The following ABCC4 variants were observed in gnomAD, a reference collection of about 807,000 sequenced individuals.
ABCC4 encodes ATP binding cassette subfamily C member 4 (PEL blood group).
In ABCC4, 102 loss-of-function variants were observed where a neutral mutation model predicts 168.5. The ratio of observed to expected loss-of-function variants is 0.61; its 90% CI spans 0.52 to 0.71. The LOEUF (loss-of-function observed/expected upper bound fraction) is 0.71, where lower values mean the gene tolerates loss of function less well. ABCC4 is among the 30% of genes least tolerant of loss of function. The probability of loss-of-function intolerance (pLI) is 0.00; values close to 1 mark genes in which losing one functional copy is unlikely to be tolerated. For synonymous variants in ABCC4, 617 were observed against 590.7 expected, an observed-to-expected ratio of 1.04 and a Z score of -0.65; for missense variants, 1,402 against 1,605.8, an observed-to-expected ratio of 0.87 and a Z score of 2.17.
chr13:95,115,957 C>CGGAT lies in ABCC4; in HGVS notation c.2499_2500insATCC (p.Asp834IlefsTer96), dbSNP rs774666238. 1 of 1,613,506 alleles carries CGGAT rather than the reference C, an allele frequency of 6.2e-7. No homozygotes were observed. The highest frequency in any genetic ancestry group is 8.5e-7 in the Non-Finnish European group (1 of 1,179,862). ...TCTAAAAACGTCAGCGGCAGCAAATCATCCAAGTGTCCAATGTCTTTGGAG... is the reference window on the plus strand; with the variant it reads ...TCTAAAAACGTCAGCGGCAGCAAATCGGATATCCAAGTGTCCAATGTCTTTGGAG... On this transcript the variant is annotated frameshift_variant, in exon 20 of 31. Transcript: ENST00000645237. LOFTEE classifies it high-confidence loss of function.
chr13:95,259,859 A>G (rs200536620), intron 1 of ABCC4, among the ~76,000 whole-genome samples: 103 of 135,276 alleles, frequency 7.6e-4, no homozygotes, highest in African/African-American at 2.4e-3. Flanking sequence ...GTGTGGGGAA[A>G]AAAAAAAAAA....
chr13:95,082,712 T>C (rs1189439), intron 21 of ABCC4, among the ~76,000 whole-genome samples: 128,345 of 152,170 alleles, frequency 0.84, 55,873 homozygotes, highest in Non-Finnish European at 0.95. Flanking sequence ...TTCCTTGTCA[T>C]TTTTAGTATC....
intron 25 of ABCC4, among the ~76,000 whole-genome samples, chr13:95,068,378 C>A (rs1024899691): frequency 6.6e-6 from 1 of 152,218 alleles, no homozygotes; most frequent in African/African-American, 2.4e-5. Context: ...GTAATCCCAG[C>A]ACTTTGGGAG....
At chr13:95,279,980 C>T (rs1190375673) in intron 1 of ABCC4, among the ~76,000 whole-genome samples, 1 of 152,054 alleles carries the variant, frequency 6.6e-6, no homozygotes, top group Non-Finnish European at 1.5e-5. Context: ...CCTTAAATGC[C>T]AAGGTTTGTG....
rs1566563558 is a variant in ABCC4, at chr13:95,244,637, G to GAAAGAAAGAAAGAAAGAAAGA, written c.306+2317_306+2337dup. On this transcript the variant is annotated intron_variant, in intron 3 of 30. Coordinates refer to ENST00000645237, the MANE Select transcript of ABCC4 (RefSeq NM_005845.5). ...AGAAAGAAAGAAAGAAAGAAAGAAA[G>GAAAGAAAGAAAGAAAGAAAGA]AAAGAAAGAAAGAAAGAAAGAAAGA... Among the ~76,000 whole-genome samples, 11 of 81,656 alleles carry GAAAGAAAGAAAGAAAGAAAGA rather than the reference G, an allele frequency of 1.3e-4. 3 individuals are homozygous for GAAAGAAAGAAAGAAAGAAAGA. Among genetic ancestry groups the GAAAGAAAGAAAGAAAGAAAGA allele is most frequent in the African/African-American group, 5.8e-4 (10 of 17,310 alleles). The allele number at this position is 81,656 out of a possible 152,430, so 53.6% of individuals were successfully genotyped here.
At chr13:95,053,359 C>A (rs1466857056) in intron 26 of ABCC4, among the ~76,000 whole-genome samples, 175 bp from the exon 27 acceptor site, 2 of 152,180 alleles carry the variant, frequency 1.3e-5, no homozygotes, top group Non-Finnish European at 2.9e-5. Flanking sequence ...CTGTACAAAG[C>A]GTGCTCCAAA....
intron 9 of ABCC4, among the ~76,000 whole-genome samples, chr13:95,192,207 G>A (rs1385604366): frequency 1.3e-5 from 2 of 152,164 alleles, no homozygotes; most frequent in Non-Finnish European, 2.9e-5. Flanking sequence ...GGTCTATCCA[G>A]CAGGACTGCT....
Position 95,121,013 on chromosome 13 carries a change from CAGG to C in ABCC4, c.2456-5015_2456-5013del, listed in dbSNP as rs553256637. Among the ~76,000 whole-genome samples the C allele has an allele frequency of 3.5e-4, 54 of 152,296 alleles. No homozygotes were observed. In the South Asian group the frequency reaches 8.1e-3, roughly 23 times the overall value. ...AGCTTAGACCAAAATGAGAACCAAACAGGAGATCTAGAAGTCCAGTATTTCAGT... is the reference window on the plus strand; with the variant it reads ...AGCTTAGACCAAAATGAGAACCAAACAGATCTAGAAGTCCAGTATTTCAGT... On this transcript the variant is annotated intron_variant, in intron 19 of 30. Transcript: ENST00000645237.
chr13:95,075,740 C>T, intron 21 of ABCC4, 189 bp from the exon 22 acceptor site: 3 of 628,540 alleles, frequency 4.8e-6, no homozygotes, highest in Non-Finnish European at 8.0e-6. Context: ...CAAGCTCCTG[C>T]TCAAACCACA....
At chr13:95,110,001 G>C (rs959451532) in intron 20 of ABCC4, among the ~76,000 whole-genome samples, 2 of 152,084 alleles carry the variant, frequency 1.3e-5, no homozygotes, top group Non-Finnish European at 2.9e-5. Context: ...TAAAAAGGAA[G>C]ACATGTAATA....
chr13:95,145,673 C>T (rs1277956339), intron 19 of ABCC4, among the ~76,000 whole-genome samples: 1 of 150,290 alleles, frequency 6.7e-6, no homozygotes, highest in Non-Finnish European at 1.5e-5. Context: ...GCACTATTCA[C>T]AATAGCAAAC....
chr13:95,216,632 ACCAGC>A (rs1566537189), intron 4 of ABCC4, among the ~76,000 whole-genome samples: 27 of 140,898 alleles, frequency 1.9e-4, no homozygotes, highest in South Asian at 2.2e-4. Flanking sequence ...AAAAAAAAAA[ACCAGC>A]ACAAATGGCC....
At chr13:95,273,777 A>G (rs957835302) in intron 1 of ABCC4, among the ~76,000 whole-genome samples, 7 of 147,544 alleles carry the variant, frequency 4.7e-5, no homozygotes, top group Admixed American at 2.0e-4. Context: ...GTGATAGTGG[A>G]TAAGTCTCAC....
At chr13:95,198,267 A>G (rs1018583177) in intron 8 of ABCC4, among the ~76,000 whole-genome samples, 3 of 152,228 alleles carry the variant, frequency 2.0e-5, no homozygotes, top group African/African-American at 7.2e-5. Flanking sequence ...TTTACAAGAA[A>G]AAAAACAACC....
At chr13:95,219,001 A>AAG (rs2039234723) in intron 4 of ABCC4, among the ~76,000 whole-genome samples, 1 of 115,602 alleles carries the variant, frequency 8.7e-6, no homozygotes, top group Admixed American at 8.9e-5. Flanking sequence ...GAAAGAAAGA[A>AAG]AGAGTGAGAA....
chr13:95,199,003 A>G (rs1310678740), intron 8 of ABCC4, among the ~76,000 whole-genome samples: 1 of 152,156 alleles, frequency 6.6e-6, no homozygotes, highest in Admixed American at 6.5e-5. Context: ...CAAATACTGA[A>G]TGCATGTGGG....
chr13:95,154,701 GCTAC>G (rs1704974632), intron 19 of ABCC4, among the ~76,000 whole-genome samples: 2 of 152,178 alleles, frequency 1.3e-5, no homozygotes, highest in Non-Finnish European at 2.9e-5. Flanking sequence ...GTTTAAACAT[GCTAC>G]CTGCTCAGCA....
chr13:95,217,631 G>A (rs890739329), intron 4 of ABCC4, among the ~76,000 whole-genome samples: 12 of 152,134 alleles, frequency 7.9e-5, no homozygotes, highest in Non-Finnish European at 1.0e-4. Flanking sequence ...CTACTGGGGA[G>A]GCTGAGGCAG....
Position 95,210,722 on chromosome 13 carries a change from C to T in ABCC4, c.591G>A (p.Leu197=). 1.2e-6 allele frequency: 2 copies of T among 1,614,178 alleles called. No homozygotes were observed. Among genetic ancestry groups the T allele is most frequent in the South Asian group, 1.1e-5 (1 of 91,080 alleles). ...CAAACTTGTTCACATCATTGGACAGCAGATTGACTATCTGGCCTGTGGTTG... is the reference window on the plus strand; with the variant it reads ...CAAACTTGTTCACATCATTGGACAGTAGATTGACTATCTGGCCTGTGGTTG... The part of the protein sequence containing the change: ...GKTTTGQIVN[L]LSNDVNKFDQ... The change falls in exon 5 of 31, where the codon CTG becomes CTA. Residue 197 remains leucine (L), a synonymous_variant. Transcript: ENST00000645237.
Sources: gnomAD v4.1 joint callset for allele counts (sites outside exome capture counted in the v4.1 genomes callset) on GRCh38, gnomAD v4.1.1 for gene constraint, MANE v1.5 for transcripts, NCBI Gene and HGNC (gene_info 2026-07-23, HGNC 2026-07-21) for gene names.